EPHA4: variants seen among roughly 807,000 people sequenced by gnomAD.
EPHA4 encodes the protein EPH receptor A4, also known as ephrin type-A receptor 4.
Under a neutral mutation model 108.3 loss-of-function variants are expected in EPHA4, and 19 were observed. The ratio of observed to expected loss-of-function variants is 0.18; its 90% CI spans 0.12 to 0.26. The LOEUF (loss-of-function observed/expected upper bound fraction) is 0.26, where lower values mean the gene tolerates loss of function less well. Among genes scored for constraint, EPHA4 ranks in the 10% least tolerant of loss-of-function variants. EPHA4 has a pLI of 1.00. For synonymous variants in EPHA4, 449 were observed against 455.5 expected (o/e 0.99, Z 0.18); for missense variants, 917 against 1,254.0 (o/e 0.73, Z 4.06).
At chr2:221,473,018 C>T (rs1326478108) in intron 5 of EPHA4, among the ~76,000 whole-genome samples, 2 of 152,258 alleles carry the variant, frequency 1.3e-5, no homozygotes, top group Non-Finnish European at 2.9e-5. Context: ...GCTCTGGGTG[C>T]CAGCCCTCAC....
intron 3 of EPHA4, among the ~76,000 whole-genome samples, chr2:221,512,545 A>T (rs1692859744): frequency 6.6e-6 from 1 of 152,128 alleles, no homozygotes; most frequent in South Asian, 2.1e-4. Context: ...ACCCTTTGAT[A>T]TTTGGGGTAC....
chr2:221,510,795 G>A (rs1692804949), intron 3 of EPHA4, among the ~76,000 whole-genome samples: 3 of 152,236 alleles, frequency 2.0e-5, no homozygotes, highest in African/African-American at 4.8e-5. Flanking sequence ...GATTATTTGA[G>A]GAGCTATTTC....
chr2:221,573,290 G>A (rs536188170), upstream of EPHA4: 1 of 152,194 alleles, frequency 6.6e-6, no homozygotes, highest in Non-Finnish European at 1.5e-5. The surrounding 1 kb of genome is among the most constrained non-coding windows in gnomAD (Gnocchi z 4.5). Flanking sequence ...CGACCTAGCC[G>A]GGGCAGCCCT....
At chr2:221,539,678 C>T (rs560015739) in intron 3 of EPHA4, among the ~76,000 whole-genome samples, 1 of 152,086 alleles carries the variant, frequency 6.6e-6, no homozygotes, top group Non-Finnish European at 1.5e-5. Context: ...CCCAGTAACG[C>T]GGAGTAGTCA....
At position 221,501,102 on chromosome 2, in the gene EPHA4, G is replaced by A. The variant is rs1692475938; in HGVS notation, c.894C>T (p.Tyr298=). The A allele has an allele frequency of 6.2e-7, 1 of 1,613,604 alleles. No homozygotes were observed. The change falls in exon 4 of 18, where the codon TAC becomes TAT. Residue 298 remains tyrosine (Y), a synonymous_variant. Coordinates refer to ENST00000281821, the MANE Select transcript of EPHA4 (RefSeq NM_004438.5). ...ACGAGGTGGCTCCTTCCCAGACAGA[G>A]TAGCTGTGGGGTGGGCACTTGGCAC... is the stretch of plus-strand genomic sequence containing the variant. ...ATCAKCPPHS[Y]SVWEGATSCT...
chr2:221,443,405 C>A, intron 10 of EPHA4, 88 bp downstream of exon 10: 1 of 958,238 alleles, frequency 1.0e-6, no homozygotes, highest in South Asian at 1.5e-5. Context: ...ATATAATATA[C>A]TCACAAAAGC....
intron 3 of EPHA4, among the ~76,000 whole-genome samples, chr2:221,515,825 A>G (rs771773201): frequency 1.6e-4 from 25 of 152,184 alleles, no homozygotes; most frequent in Non-Finnish European, 3.7e-4. Flanking sequence ...CAAAAATAAT[A>G]ATAATAAAAG....
At chr2:221,523,965 A>ATTTT (rs1447390143) in intron 3 of EPHA4, among the ~76,000 whole-genome samples, 9 of 152,160 alleles carry the variant, frequency 5.9e-5, no homozygotes, top group African/African-American at 2.2e-4. Flanking sequence ...AATTGATGGA[A>ATTTT]AAAGAGGGGA....
chr2:221,484,021 AG>A, intron 4 of EPHA4, among the ~76,000 whole-genome samples: 1 of 152,202 alleles, frequency 6.6e-6, no homozygotes, highest in East Asian at 1.9e-4. Flanking sequence ...ATGAGTTTTA[AG>A]AAAAATTTGA....
rs779119989 is a variant in EPHA4 at position 221,482,608 on chromosome 2, T to C, written c.1062A>G (p.Thr354=). The change falls in exon 5 of 18, where the codon ACA becomes ACG. Residue 354 remains threonine, a synonymous_variant. Coordinates refer to ENST00000281821, the MANE Select transcript of EPHA4 (RefSeq NM_004438.5). ...TATAGGAAATGTCCTGGCGGCCACC[T>C]GTATTCTGAGGGCTACTCCATTCCA... ...VNLEWSSPQN[T]GGRQDISYNV... 6.2e-7 allele frequency: 1 copy of C among 1,614,048 alleles called. No individual in the cohort carries two copies. Among genetic ancestry groups the C allele is most frequent in the Non-Finnish European group, 8.5e-7 (1 of 1,179,914 alleles).
rs1689711712 is a variant in EPHA4, at chr2:221,420,149, A to G, written c.*1223T>C. 1 of 152,630 alleles carries G rather than the reference A, an allele frequency of 6.6e-6. No homozygotes were observed. The highest frequency in any genetic ancestry group is 1.5e-5 in the Non-Finnish European group (1 of 68,052). The allele number at this position is 152,630 out of a possible 1,614,324, so 9.5% of individuals were successfully genotyped here. ...TGTGGTTGCACCTGACCTGGTGTCCATAGTAAGACCTGTAGCATTTGGTCA... is the reference window on the plus strand; with the variant it reads ...TGTGGTTGCACCTGACCTGGTGTCCGTAGTAAGACCTGTAGCATTTGGTCA... On this transcript the variant is annotated 3_prime_UTR_variant, in exon 18 of 18. Coordinates refer to ENST00000281821, the MANE Select transcript of EPHA4 (RefSeq NM_004438.5).
intron 11 of EPHA4, among the ~76,000 whole-genome samples, chr2:221,440,411 C>T (rs552670470): frequency 3.7e-4 from 57 of 152,222 alleles, no homozygotes; most frequent in African/African-American, 9.1e-4. Flanking sequence ...TTTTAGAAAA[C>T]GGACCTGCAA....
intron 17 of EPHA4, among the ~76,000 whole-genome samples, chr2:221,420,999 T>C (rs1407581147): frequency 6.6e-6 from 1 of 152,092 alleles, no homozygotes; most frequent in Non-Finnish European, 1.5e-5. Context: ...CAATAATGAT[T>C]GAAAAATGCA....
At chr2:221,467,477 A>C (rs767926321) in intron 5 of EPHA4, among the ~76,000 whole-genome samples, 3 of 152,242 alleles carry the variant, frequency 2.0e-5, no homozygotes, top group African/African-American at 7.2e-5. Flanking sequence ...TGAAAGATGT[A>C]AGGTTTTGCA....
At chr2:221,502,495 G>A (rs918171692) in intron 3 of EPHA4, 21 of 470,476 alleles carry the variant, frequency 4.5e-5, no homozygotes, top group South Asian at 1.2e-4. Context: ...CAGCCAAAAC[G>A]GAACAACCAT....
chr2:221,524,828 G>A (rs186177302), intron 3 of EPHA4, among the ~76,000 whole-genome samples: 28 of 152,266 alleles, frequency 1.8e-4, no homozygotes, highest in African/African-American at 5.3e-4. Context: ...CTACGGCACG[G>A]CTACTGCTCA....
At chr2:221,467,585 A>T (rs570572338) in intron 5 of EPHA4, among the ~76,000 whole-genome samples, 144 of 152,334 alleles carry the variant, frequency 9.5e-4, no homozygotes, top group African/African-American at 3.3e-3. Context: ...TGTCTGTTTT[A>T]CAAGTTAGCT....
intron 15 of EPHA4, among the ~76,000 whole-genome samples, chr2:221,427,366 G>A (rs1689944863): frequency 6.6e-6 from 1 of 152,062 alleles, no homozygotes; most frequent in East Asian, 1.9e-4. Flanking sequence ...CATTTCTTAG[G>A]CCAGGTGTTT....
intron 3 of EPHA4, among the ~76,000 whole-genome samples, chr2:221,518,285 GA>G (rs1224892974): frequency 6.6e-6 from 1 of 152,100 alleles, no homozygotes; most frequent in Non-Finnish European, 1.5e-5. Context: ...TAAGAAACAA[GA>G]ATCCTCTCCT....
Sources: allele counts gnomAD v4.1 joint callset (sites outside exome capture counted in the v4.1 genomes callset), GRCh38; gene constraint gnomAD v4.1.1; non-coding constraint Gnocchi (gnomAD v3.1); transcripts MANE v1.5; gene names NCBI Gene and HGNC (gene_info 2026-07-23, HGNC 2026-07-21).